The following RNF144B variants were observed in gnomAD, a reference collection of about 807,000 sequenced individuals.
RNF144B encodes ring finger protein 144B.
A neutral mutation model predicts 40.2 loss-of-function variants in RNF144B; 25 were observed. That is an observed-to-expected ratio of 0.62 (90% confidence interval 0.45 to 0.87). RNF144B has a LOEUF of 0.87. RNF144B is among the 40% of genes least tolerant of loss of function. The probability of loss-of-function intolerance (pLI) is 0.00; values close to 1 mark genes in which losing one functional copy is unlikely to be tolerated. For missense variants in RNF144B, 365 were observed against 373.7 expected (o/e 0.98, Z 0.19); for synonymous variants, 145 against 136.3 (o/e 1.06, Z -0.44).
At chr6:18,387,889 C>T (rs1318503436) in intron 1 of RNF144B, among the ~76,000 whole-genome samples, 2 of 152,002 alleles carry the variant, frequency 1.3e-5, no homozygotes, top group East Asian at 1.9e-4. Flanking sequence ...TTGTAGAATC[C>T]GAGATTAGAC....
At chr6:18,430,890 T>C (rs1264060166) in intron 3 of RNF144B, among the ~76,000 whole-genome samples, 1 of 152,160 alleles carries the variant, frequency 6.6e-6, no homozygotes, top group Non-Finnish European at 1.5e-5. Flanking sequence ...CCAGTTTTAC[T>C]ATAAAAGCAT....
intron 2 of RNF144B, among the ~76,000 whole-genome samples, chr6:18,411,480 TATATA>T (rs1795036295): frequency 5.0e-4 from 18 of 36,128 alleles, no homozygotes; most frequent in Middle Eastern, 9.1e-3. Context: ...TATATATATA[TATATA>T]TATATATATA....
intron 2 of RNF144B, among the ~76,000 whole-genome samples, chr6:18,408,145 C>A (rs150173762): frequency 6.6e-6 from 1 of 151,814 alleles, no homozygotes; most frequent in South Asian, 2.1e-4. Flanking sequence ...TCACCATGCC[C>A]GGCTAATTTT....
rs913602820 is a variant in RNF144B at position 18,434,834 on chromosome 6, G to C, written c.271-4850G>C. 6.6e-6 allele frequency among the ~76,000 whole-genome samples: 1 copy of C among 152,094 alleles called. No homozygotes were observed. The highest frequency in any genetic ancestry group is 2.4e-5 in the African/African-American group (1 of 41,414). ...GATGGGGTTTCACCTTGTTAGCCAG[G>C]ATGGTCTCAATCTCCTGACCTCGTG... On this transcript the variant is annotated intron_variant, in intron 3 of 7. Transcript: ENST00000259939. This position sits in a 1 kb window ranked among gnomAD's most constrained non-coding sequence, Gnocchi z 4.1.
In RNF144B at chr6:18,465,999, T is replaced by C. The variant is rs762387744; in HGVS notation, c.*932T>C. On this transcript the variant is annotated 3_prime_UTR_variant, in exon 8 of 8. Transcript: ENST00000259939. Reference sequence around the variant, plus strand: ...AGGGTAAATATTAAAGTGCGTATTATGTACATCTAGAATCCATGTGACTTG... The same window carrying C: ...AGGGTAAATATTAAAGTGCGTATTACGTACATCTAGAATCCATGTGACTTG... The C allele has an allele frequency of 6.6e-6, 1 of 152,262 alleles. No individual in the cohort carries two copies. Among genetic ancestry groups the C allele is most frequent in the African/African-American group, 2.4e-5 (1 of 41,470 alleles). The allele number at this position is 152,262 out of a possible 1,614,324, so 9.4% of individuals were successfully genotyped here.
rs1290734070 is a variant in RNF144B at position 18,456,797 on chromosome 6, A to G, written c.332-358A>G. Among the ~76,000 whole-genome samples, 1 of 152,198 alleles carries G rather than the reference A, an allele frequency of 6.6e-6. No individual in the cohort carries two copies. Among genetic ancestry groups the G allele is most frequent in the Non-Finnish European group, 1.5e-5 (1 of 68,030 alleles). ...GTAAATGGGGCAGGTGTGGTGGCTCATGCCTGTAAAATCCCAGCACTTTGG... is the reference window on the plus strand; with the variant it reads ...GTAAATGGGGCAGGTGTGGTGGCTCGTGCCTGTAAAATCCCAGCACTTTGG... On this transcript the variant is annotated intron_variant, in intron 4 of 7. Transcript: ENST00000259939. This position sits in a 1 kb window ranked among gnomAD's most constrained non-coding sequence, Gnocchi z 4.7.
chr6:18,395,798 A>G lies in RNF144B; in HGVS notation c.-36-3701A>G, dbSNP rs921436839. ...TGGGTGCTGGCACTTGTCTACCTGA[A>G]TCTCTTTTATACAGTGGTGGTTTGA... On this transcript the variant is annotated intron_variant, in intron 1 of 7. Transcript: ENST00000259939. This position sits in a 1 kb window ranked among gnomAD's most constrained non-coding sequence, Gnocchi z 4.5. Among the ~76,000 whole-genome samples the G allele has an allele frequency of 1.8e-4, 28 of 152,226 alleles. No individual in the cohort carries two copies. The highest frequency in any genetic ancestry group is 1.7e-3 in the Admixed American group (26 of 15,294).
At position 18,427,621 on chromosome 6, in the gene RNF144B, G is replaced by C; in HGVS notation, c.206G>C (p.Cys69Ser). ...ATGCAGCTGGCAATCCGAGAAGGAT[G>C]TGGGTCTCCCATCACTTGCCCTGAC... ...QYMQLAIREGCGSPITCPDMV... is the reference protein window; with the variant it reads ...QYMQLAIREGSGSPITCPDMV... Residue 69 changes from cysteine to serine, a missense_variant, in exon 3 of 8, where the codon TGT becomes TCT. Transcript: ENST00000259939. 2 of 1,613,796 alleles carry C rather than the reference G, an allele frequency of 1.2e-6. No individual in the cohort carries two copies. Among genetic ancestry groups the C allele is most frequent in the East Asian group, 4.5e-5 (2 of 44,854 alleles).
At chr6:18,411,018 T>A (rs369049175) in intron 2 of RNF144B, among the ~76,000 whole-genome samples, 44 of 150,060 alleles carry the variant, frequency 2.9e-4, no homozygotes, top group African/African-American at 1.1e-3. Context: ...CGGAGTCTCA[T>A]TCTGTTGCCA....
rs1387443162 is a variant in RNF144B, at chr6:18,458,422, G to C, written c.536+1063G>C. On this transcript the variant is annotated intron_variant, in intron 5 of 7. Transcript: ENST00000259939. The surrounding 1 kb of genome is among the most constrained non-coding windows in gnomAD (Gnocchi z 4.8). ...AGAACCAGGCTTCATGAATAGTAAT[G>C]CTACTTGGCTACGATGCTGTGCTTG... Among the ~76,000 whole-genome samples, 1 of 152,108 alleles carries C rather than the reference G, an allele frequency of 6.6e-6. No homozygotes were observed. The highest frequency in any genetic ancestry group is 6.5e-5 in the Admixed American group (1 of 15,274).
At chr6:18,429,500 G>A (rs941486197) in intron 3 of RNF144B, among the ~76,000 whole-genome samples, 1 of 152,086 alleles carries the variant, frequency 6.6e-6, no homozygotes, top group Non-Finnish European at 1.5e-5. Flanking sequence ...GAGATATAAC[G>A]TTTTTTAGGG....
At position 18,444,543 on chromosome 6, in the gene RNF144B, T is replaced by C. The variant is rs1759036391; in HGVS notation, c.331+4799T>C. ...TCCTTTTTTTGTGACCCTGTTTGAC[T>C]TTCTGTAACTGCAAGTTGCTTCCGT... On this transcript the variant is annotated intron_variant, in intron 4 of 7. Coordinates refer to ENST00000259939, the MANE Select transcript of RNF144B (RefSeq NM_182757.4). The surrounding 1 kb of genome is among the most constrained non-coding windows in gnomAD (Gnocchi z 4.3). Among the ~76,000 whole-genome samples the C allele has an allele frequency of 6.6e-6, 1 of 152,184 alleles. No individual in the cohort carries two copies. The highest frequency in any genetic ancestry group is 6.5e-5 in the Admixed American group (1 of 15,274).
intron 3 of RNF144B, among the ~76,000 whole-genome samples, chr6:18,439,097 G>C (rs755085043): frequency 6.6e-6 from 1 of 152,140 alleles, no homozygotes. Flanking sequence ...TAGGAGTCTA[G>C]TTGCAAGAAA....
rs1028371762 is a variant in RNF144B at position 18,416,589 on chromosome 6, A to G, written c.166-10992A>G. On this transcript the variant is annotated intron_variant, in intron 2 of 7. Transcript: ENST00000259939. This position sits in a 1 kb window ranked among gnomAD's most constrained non-coding sequence, Gnocchi z 5.5. The stretch of plus-strand genomic sequence containing the variant: ...TCTCCCATATTGAATGACTGTCCTC[A>G]AACTTACAAGGTGGATCTTAGTAAT... Among the ~76,000 whole-genome samples the G allele has an allele frequency of 6.6e-6, 1 of 152,242 alleles. No individual in the cohort carries two copies. The highest frequency in any genetic ancestry group is 2.4e-5 in the African/African-American group (1 of 41,478).
chr6:18,405,327 C>T lies in RNF144B; in HGVS notation c.165+5628C>T, dbSNP rs531735318. On this transcript the variant is annotated intron_variant, in intron 2 of 7. Transcript: ENST00000259939. The surrounding 1 kb of genome is among the most constrained non-coding windows in gnomAD (Gnocchi z 4.5). ...TAGCTGGGATTACAGGCATGTGCCA[C>T]CAGGCCTGACTAATTTTTTTTGTAT... Among the ~76,000 whole-genome samples the T allele has an allele frequency of 1.3e-4, 20 of 152,040 alleles. No individual in the cohort carries two copies. Among genetic ancestry groups the T allele is most frequent in the African/African-American group, 4.8e-4 (20 of 41,474 alleles).
chr6:18,426,839 C>T (rs1475645254), intron 2 of RNF144B, among the ~76,000 whole-genome samples: 3 of 142,742 alleles, frequency 2.1e-5, no homozygotes, highest in Non-Finnish European at 4.7e-5. Context: ...CTCTGGGTTT[C>T]TTTTTTCTAT....
chr6:18,439,834 G>GT (rs1489840016), intron 4 of RNF144B, 90 bp downstream of exon 4: 3 of 849,796 alleles, frequency 3.5e-6, no homozygotes, highest in Non-Finnish European at 4.0e-6. Flanking sequence ...AGGCAGCTAT[G>GT]GGCTGTCAAC....
Position 18,443,729 on chromosome 6 carries a change from C to G in RNF144B, c.331+3985C>G, listed in dbSNP as rs10949514. 0.12 allele frequency among the ~76,000 whole-genome samples: 18,972 copies of G among 152,148 alleles called. 1,341 individuals carry two copies. Among genetic ancestry groups the G allele is most frequent in the Admixed American group, 0.19 (2,950 of 15,278 alleles). On this transcript the variant is annotated intron_variant, in intron 4 of 7. Coordinates refer to ENST00000259939, the MANE Select transcript of RNF144B (RefSeq NM_182757.4). The surrounding 1 kb of genome is among the most constrained non-coding windows in gnomAD (Gnocchi z 4.7). ...TACACTTTATCTAATTCTGTCTAAA[C>G]TTTATCTAAATTATGTAAAATAGAC...
chr6:18,396,625 C>G (rs1794699682), intron 1 of RNF144B: 1 of 985,130 alleles, frequency 1.0e-6, no homozygotes, highest in Non-Finnish European at 1.2e-6. Flanking sequence ...TACGTTTCTT[C>G]TTGTTGTTTT....
Sources: allele counts gnomAD v4.1 joint callset (sites outside exome capture counted in the v4.1 genomes callset), GRCh38; gene constraint gnomAD v4.1.1; non-coding constraint Gnocchi (gnomAD v3.1); transcripts MANE v1.5; gene names NCBI Gene and HGNC (gene_info 2026-07-23, HGNC 2026-07-21).